The following DIP2C variants were observed in gnomAD, a reference collection of about 807,000 sequenced individuals.
The protein encoded by DIP2C is DIP2 acetate--CoA ligase C (putative).
DIP2C carries 33 observed loss-of-function variants against 192.4 expected under a neutral mutation model. The observed-to-expected ratio is 0.17, with a 90% CI of 0.13 to 0.23. The LOEUF (loss-of-function observed/expected upper bound fraction) is 0.23, where lower values mean the gene tolerates loss of function less well. Ranked by LOEUF, DIP2C falls within the 10% of genes least tolerant of loss-of-function variation. The pLI, the probability that DIP2C is intolerant of heterozygous loss-of-function variation, is 1.00. For missense variants in DIP2C, 1,537 were observed against 2,110.1 expected, an observed-to-expected ratio of 0.73 and a Z score of 5.32; for synonymous variants, 979 against 864.1, an observed-to-expected ratio of 1.13 and a Z score of -2.33.
At chr10:404,547 C>T (rs1228978180) in intron 9 of DIP2C, among the ~76,000 whole-genome samples, 3 of 152,274 alleles carry the variant, frequency 2.0e-5, no homozygotes, top group Admixed American at 6.5e-5. Flanking sequence ...GAAAAATGTC[C>T]TAACTGGAAG....
intron 1 of DIP2C, among the ~76,000 whole-genome samples, chr10:584,291 T>C (rs1297601254): frequency 6.6e-6 from 1 of 152,248 alleles, no homozygotes; most frequent in Non-Finnish European, 1.5e-5. Flanking sequence ...TCATGTCCTG[T>C]TGAAATGTTT....
At chr10:388,603 G>C (rs747669840) in intron 13 of DIP2C, among the ~76,000 whole-genome samples, 1 of 151,452 alleles carries the variant, frequency 6.6e-6, no homozygotes, top group Non-Finnish European at 1.5e-5. Context: ...CTCCACAAGC[G>C]TGACCACCCT....
At chr10:595,181 GAC>G (rs1851632221) in intron 1 of DIP2C, among the ~76,000 whole-genome samples, 1 of 152,168 alleles carries the variant, frequency 6.6e-6, no homozygotes, top group African/African-American at 2.4e-5. Flanking sequence ...ACCTTTTTCT[GAC>G]AGTCTCAAAA....
At chr10:589,343 C>A (rs1011602860) in intron 1 of DIP2C, among the ~76,000 whole-genome samples, 1 of 152,118 alleles carries the variant, frequency 6.6e-6, no homozygotes, top group African/African-American at 2.4e-5. Flanking sequence ...TTGATGAAGT[C>A]TTGTCTCCTT....
At position 652,822 on chromosome 10, in the gene DIP2C, G is replaced by T. The variant is rs1444031055; in HGVS notation, c.85+36672C>A. The stretch of plus-strand genomic sequence containing the variant: ...TTTAAACAGAAATGGCACCAGGGCA[G>T]ATGATGATTTTTTGTACCATTTCTT... On this transcript the variant is annotated intron_variant, in intron 1 of 36. Transcript: ENST00000280886. The surrounding 1 kb of genome is among the most constrained non-coding windows in gnomAD (Gnocchi z 4.5). 6.6e-6 allele frequency among the ~76,000 whole-genome samples: 1 copy of T among 151,720 alleles called. No homozygotes were observed. The highest frequency in any genetic ancestry group is 1.5e-5 in the Non-Finnish European group (1 of 67,956).
At chr10:487,423 T>TGCTGCC (rs1247971088) in intron 1 of DIP2C, among the ~76,000 whole-genome samples, 2 of 152,154 alleles carry the variant, frequency 1.3e-5, no homozygotes, top group Non-Finnish European at 2.9e-5. Flanking sequence ...CAGTCTCGGA[T>TGCTGCC]GCTGCCTCTG....
At chr10:399,384 C>T (rs1378483204) in intron 9 of DIP2C, among the ~76,000 whole-genome samples, 165 bp from the exon 10 acceptor site, 2 of 152,162 alleles carry the variant, frequency 1.3e-5, no homozygotes, top group East Asian at 3.9e-4. Flanking sequence ...ACACACCCGG[C>T]CTTGAATTCA....
intron 6 of DIP2C, among the ~76,000 whole-genome samples, chr10:418,734 AAC>A (rs2133139420): frequency 6.6e-6 from 1 of 152,378 alleles, no homozygotes; most frequent in African/African-American, 2.4e-5. Context: ...TCATGGTCTT[AAC>A]ACACCTGTAC....
chr10:636,681 T>G lies in DIP2C; in HGVS notation c.85+52813A>C, dbSNP rs1260490139. 6.6e-6 allele frequency among the ~76,000 whole-genome samples: 1 copy of G among 152,232 alleles called. No individual in the cohort carries two copies. The highest frequency in any genetic ancestry group is 6.5e-5 in the Admixed American group (1 of 15,288). Reference sequence around the variant, plus strand: ...CGCCGAGTGACTCTCCTTCCCCATCTTCGTCAGGGACAGCCTCACACCCTT... The same window carrying G: ...CGCCGAGTGACTCTCCTTCCCCATCGTCGTCAGGGACAGCCTCACACCCTT... On this transcript the variant is annotated intron_variant, in intron 1 of 36. Coordinates refer to ENST00000280886, the MANE Select transcript of DIP2C (RefSeq NM_014974.3). This position sits in a 1 kb window ranked among gnomAD's most constrained non-coding sequence, Gnocchi z 4.6.
At chr10:493,736 T>C (rs767422890) in intron 1 of DIP2C, among the ~76,000 whole-genome samples, 8 of 152,226 alleles carry the variant, frequency 5.3e-5, no homozygotes, top group Non-Finnish European at 1.0e-4. Flanking sequence ...TGGAGGCCGA[T>C]TATCCACCTA....
At chr10:434,730 T>G (rs1484989795) in intron 4 of DIP2C, among the ~76,000 whole-genome samples, 1 of 152,254 alleles carries the variant, frequency 6.6e-6, no homozygotes, top group African/African-American at 2.4e-5. Flanking sequence ...TGAAAGATAA[T>G]TTCACAGGGT....
intron 1 of DIP2C, among the ~76,000 whole-genome samples, chr10:579,080 GCATA>G (rs1174936379): frequency 1.3e-5 from 2 of 152,114 alleles, no homozygotes; most frequent in Non-Finnish European, 2.9e-5. Flanking sequence ...TGTGCATAGA[GCATA>G]CACACATGCA....
chr10:424,357 T>G (rs1373296158), intron 4 of DIP2C, among the ~76,000 whole-genome samples: 1 of 13,056 alleles, frequency 7.7e-5, no homozygotes, highest in African/African-American at 3.4e-4. Flanking sequence ...CACCTTGGGT[T>G]TTTTTTTTTT....
chr10:524,324 C>G (rs140436939), intron 1 of DIP2C, among the ~76,000 whole-genome samples: 1 of 152,178 alleles, frequency 6.6e-6, no homozygotes, highest in South Asian at 2.1e-4. Flanking sequence ...AGGGTCCCTG[C>G]TCAGATGCAA....
chr10:476,153 G>A (rs969574933), intron 2 of DIP2C, among the ~76,000 whole-genome samples: 17 of 152,138 alleles, frequency 1.1e-4, no homozygotes, highest in African/African-American at 4.1e-4. Context: ...CAGGGAGATG[G>A]GGTGGCTGCC....
At chr10:587,199 T>A (rs757806503) in intron 1 of DIP2C, among the ~76,000 whole-genome samples, 2 of 151,764 alleles carry the variant, frequency 1.3e-5, no homozygotes, top group Non-Finnish European at 2.9e-5. Context: ...GTGCAGGGTC[T>A]AAGGCCAGAC....
intron 1 of DIP2C, among the ~76,000 whole-genome samples, chr10:649,194 G>A (rs1230482733): frequency 6.6e-6 from 1 of 150,898 alleles, no homozygotes; most frequent in Non-Finnish European, 1.5e-5. Context: ...GTCCACATTT[G>A]ACGGTGGGAG....
chr10:495,592 G>A (rs943089420), intron 1 of DIP2C, among the ~76,000 whole-genome samples: 3 of 151,918 alleles, frequency 2.0e-5, no homozygotes, highest in African/African-American at 7.3e-5. Context: ...AATAAAGCAT[G>A]CTGAAGTACA....
chr10:288,291 C>G, intron 33 of DIP2C, 73 bp downstream of exon 33: 1 of 1,378,860 alleles, frequency 7.3e-7, no homozygotes, highest in Non-Finnish European at 1.0e-6. Flanking sequence ...AAATACATTT[C>G]CTAAAATTTC....
Sources: allele counts gnomAD v4.1 joint callset (sites outside exome capture counted in the v4.1 genomes callset), GRCh38; gene constraint gnomAD v4.1.1; non-coding constraint Gnocchi (gnomAD v3.1); transcripts MANE v1.5; gene names NCBI Gene and HGNC (gene_info 2026-07-23, HGNC 2026-07-21).